ADAM12: variants seen among roughly 807,000 people sequenced by gnomAD.
The protein encoded by ADAM12 is ADAM metallopeptidase domain 12.
In ADAM12, 70 loss-of-function variants were observed where a neutral mutation model predicts 106.4. That is an observed-to-expected ratio of 0.66 (90% confidence interval 0.54 to 0.80). ADAM12 has a LOEUF of 0.80. Ranked by LOEUF, ADAM12 falls within the 30% of genes least tolerant of loss-of-function variation. The pLI, the probability that ADAM12 is intolerant of heterozygous loss-of-function variation, is 0.00. For missense variants in ADAM12, 1,010 were observed against 1,171.9 expected, an observed-to-expected ratio of 0.86 and a Z score of 2.02; for synonymous variants, 420 against 433.5, an observed-to-expected ratio of 0.97 and a Z score of 0.39.
Position 126,314,591 on chromosome 10 carries a change from T to C in ADAM12, c.186+15821A>G, listed in dbSNP as rs150907878. 1.6e-3 allele frequency among the ~76,000 whole-genome samples: 240 copies of C among 152,332 alleles called. 1 individual carries two copies. Among genetic ancestry groups the C allele is most frequent in the Middle Eastern group, 0.01 (3 of 294 alleles). ...CATTTTCAGGAAAAGAAGATTTGTCTGAGAGCCCATTGTCTATATAAAATT... is the reference window on the plus strand; with the variant it reads ...CATTTTCAGGAAAAGAAGATTTGTCCGAGAGCCCATTGTCTATATAAAATT... On this transcript the variant is annotated intron_variant, in intron 2 of 22. Transcript: ENST00000448723.
chr10:126,344,322 C>T (rs1251696212), intron 1 of ADAM12, among the ~76,000 whole-genome samples: 3 of 152,136 alleles, frequency 2.0e-5, no homozygotes, highest in Non-Finnish European at 4.4e-5. Flanking sequence ...TGTCAAAGAT[C>T]GGATGGTTGT....
At chr10:126,376,140 C>A (rs1424789565) in intron 1 of ADAM12, among the ~76,000 whole-genome samples, 1 of 151,886 alleles carries the variant, frequency 6.6e-6, no homozygotes, top group African/African-American at 2.4e-5. Flanking sequence ...TAGGAAAAAA[C>A]AAAACTTACC....
chr10:126,270,782 C>G (rs866030973), intron 3 of ADAM12, among the ~76,000 whole-genome samples: 1 of 152,168 alleles, frequency 6.6e-6, no homozygotes, highest in Non-Finnish European at 1.5e-5. Flanking sequence ...TAGTGGGGAA[C>G]ACCCACTGCA....
Position 126,043,494 on chromosome 10 carries a change from CTCAGCAGTGAGGAGGG to C in ADAM12, c.1996-362_1996-347del, listed in dbSNP as rs1283427946. ...CTGTCTGACCATGAGGAGAAGCCCC[CTCAGCAGTGAGGAGGG>C]ACCGTGCTTTGGGGCTACAGACCCA... On this transcript the variant is annotated intron_variant, in intron 17 of 22. Transcript: ENST00000448723. The surrounding 1 kb of genome is among the most constrained non-coding windows in gnomAD (Gnocchi z 4.1). 6.6e-6 allele frequency among the ~76,000 whole-genome samples: 1 copy of C among 152,206 alleles called. No homozygotes were observed. Among genetic ancestry groups the C allele is most frequent in the Non-Finnish European group, 1.5e-5 (1 of 68,034 alleles).
intron 6 of ADAM12, among the ~76,000 whole-genome samples, chr10:126,115,946 C>T (rs1955974498): frequency 6.6e-6 from 1 of 152,184 alleles, no homozygotes; most frequent in South Asian, 2.1e-4. Context: ...GCTTTCTCTT[C>T]CATAAAAACC....
At chr10:126,086,851 T>G (rs2133546243) in intron 11 of ADAM12, among the ~76,000 whole-genome samples, 1 of 149,672 alleles carries the variant, frequency 6.7e-6, no homozygotes, top group African/African-American at 2.5e-5. Flanking sequence ...CTGGCCAACA[T>G]GGTGAAACCC....
chr10:126,083,373 G>T (rs1394057527), intron 11 of ADAM12, among the ~76,000 whole-genome samples: 7 of 152,218 alleles, frequency 4.6e-5, no homozygotes, highest in Non-Finnish European at 8.8e-5. Context: ...ACACCGTCTC[G>T]AGGGCTATCA....
chr10:126,250,241 G>C (rs973533286), intron 3 of ADAM12, among the ~76,000 whole-genome samples: 1 of 152,140 alleles, frequency 6.6e-6, no homozygotes, highest in Non-Finnish European at 1.5e-5. Flanking sequence ...TATCCCTCCA[G>C]AGCTGACACT....
At chr10:126,279,891 CAATT>C (rs1311078958) in intron 2 of ADAM12, among the ~76,000 whole-genome samples, 1 of 152,202 alleles carries the variant, frequency 6.6e-6, no homozygotes, top group Non-Finnish European at 1.5e-5. Flanking sequence ...CCACCACACT[CAATT>C]AGTGCTTCCT....
At chr10:126,208,679 A>T (rs906233573) in intron 3 of ADAM12, among the ~76,000 whole-genome samples, 1 of 152,212 alleles carries the variant, frequency 6.6e-6, no homozygotes, top group African/African-American at 2.4e-5. Context: ...AAGAGAATGG[A>T]AACTCACAAG....
intron 2 of ADAM12, among the ~76,000 whole-genome samples, chr10:126,282,693 T>C (rs2133761853): frequency 6.6e-6 from 1 of 152,290 alleles, no homozygotes; most frequent in African/African-American, 2.4e-5. Flanking sequence ...GCACAAACAA[T>C]GTGTAAGTCC....
chr10:126,385,795 G>T (rs559936566), intron 1 of ADAM12, among the ~76,000 whole-genome samples: 1 of 152,138 alleles, frequency 6.6e-6, no homozygotes, highest in African/African-American at 2.4e-5. Context: ...GTCATGCTGA[G>T]GTTTGGATTT....
intron 5 of ADAM12, among the ~76,000 whole-genome samples, chr10:126,134,142 G>C (rs926127981): frequency 6.6e-6 from 1 of 152,140 alleles, no homozygotes; most frequent in African/African-American, 2.4e-5. Flanking sequence ...AAACCACAAG[G>C]CACCTCCTTC....
intron 1 of ADAM12, among the ~76,000 whole-genome samples, chr10:126,383,496 A>G (rs1026988856): frequency 1.3e-5 from 2 of 152,192 alleles, no homozygotes; most frequent in Admixed American, 1.3e-4. Context: ...GAATATTCAA[A>G]CTGAAGGGGC....
intron 21 of ADAM12, among the ~76,000 whole-genome samples, chr10:126,027,762 A>C (rs1164608336): frequency 6.6e-6 from 1 of 152,218 alleles, no homozygotes; most frequent in Non-Finnish European, 1.5e-5. Flanking sequence ...ATCCTGAATG[A>C]GTAAAAGCTG....
intron 3 of ADAM12, among the ~76,000 whole-genome samples, chr10:126,248,036 G>C (rs1590677424): frequency 6.6e-6 from 1 of 152,158 alleles, no homozygotes; most frequent in East Asian, 1.9e-4. Flanking sequence ...TATCAGATGT[G>C]GGTTCAAGTC....
intron 2 of ADAM12, among the ~76,000 whole-genome samples, chr10:126,298,975 C>T (rs1960497151): frequency 6.6e-6 from 1 of 152,170 alleles, no homozygotes. Flanking sequence ...TGAGAGAATT[C>T]AGCAGCCGCA....
intron 3 of ADAM12, among the ~76,000 whole-genome samples, chr10:126,248,997 T>C (rs1958688912): frequency 2.0e-5 from 3 of 152,064 alleles, no homozygotes; most frequent in South Asian, 2.1e-4. Flanking sequence ...TGAGCCACCA[T>C]GTCTGGCCTT....
chr10:126,154,504 G>A (rs1278546614), intron 4 of ADAM12, among the ~76,000 whole-genome samples: 1 of 152,196 alleles, frequency 6.6e-6, no homozygotes, highest in Non-Finnish European at 1.5e-5. Flanking sequence ...AACCTTCAGT[G>A]ATAAGGGAGA....
Sources: allele counts gnomAD v4.1 joint callset (sites outside exome capture counted in the v4.1 genomes callset), GRCh38; gene constraint gnomAD v4.1.1; non-coding constraint Gnocchi (gnomAD v3.1); transcripts MANE v1.5; gene names NCBI Gene and HGNC (gene_info 2026-07-23, HGNC 2026-07-21).